The following RBMS3 variants were observed in gnomAD, a reference collection of about 807,000 sequenced individuals.
RBMS3 encodes the protein RNA binding motif single stranded interacting protein 3.
Under a neutral mutation model 66.8 loss-of-function variants are expected in RBMS3, and 27 were observed. The ratio of observed to expected loss-of-function variants is 0.40; its 90% confidence interval spans 0.30 to 0.56. The LOEUF is 0.56. Among genes scored for constraint, RBMS3 ranks in the 20% least tolerant of loss-of-function variants. The pLI is 0.40. For synonymous variants in RBMS3, 188 were observed against 183.0 expected (o/e 1.03, Z -0.22); for missense variants, 513 against 549.5 (o/e 0.93, Z 0.66).
intron 10 of RBMS3, among the ~76,000 whole-genome samples, chr3:29,921,904 T>C (rs940822451): frequency 6.6e-6 from 1 of 152,178 alleles, no homozygotes; most frequent in Non-Finnish European, 1.5e-5. Flanking sequence ...AGCCTCCTGC[T>C]GAAGCAAAAC....
chr3:29,423,229 A>C (rs2125705392), intron 1 of RBMS3, among the ~76,000 whole-genome samples: 1 of 152,292 alleles, frequency 6.6e-6, no homozygotes, highest in East Asian at 1.9e-4. Flanking sequence ...TGCCAAAGAG[A>C]GACACATTTA....
At chr3:29,492,585 T>A (rs946019745) in intron 3 of RBMS3, among the ~76,000 whole-genome samples, 1 of 152,108 alleles carries the variant, frequency 6.6e-6, no homozygotes, top group African/African-American at 2.4e-5. Flanking sequence ...TAGACCATGA[T>A]GAAAATGAAG....
At chr3:29,619,067 G>C (rs1257749889) in intron 4 of RBMS3, among the ~76,000 whole-genome samples, 1 of 152,042 alleles carries the variant, frequency 6.6e-6, no homozygotes, top group African/African-American at 2.4e-5. Context: ...GAAAATGATA[G>C]GGAAGTGAGA....
At chr3:29,666,511 G>A (rs2149238875) in intron 4 of RBMS3, among the ~76,000 whole-genome samples, 1 of 152,232 alleles carries the variant, frequency 6.6e-6, no homozygotes, top group East Asian at 1.9e-4. Flanking sequence ...GTAGAAATGT[G>A]TACTTTTGGG....
chr3:29,290,441 T>A (rs2032719714), intron 1 of RBMS3, among the ~76,000 whole-genome samples: 1 of 151,810 alleles, frequency 6.6e-6, no homozygotes, highest in Admixed American at 6.6e-5. Context: ...GAAAACAACA[T>A]TTCATTTTCT....
chr3:29,892,071 C>G (rs375212950), intron 8 of RBMS3, among the ~76,000 whole-genome samples: 1 of 151,290 alleles, frequency 6.6e-6, no homozygotes, highest in Non-Finnish European at 1.5e-5. Context: ...TACTACTGAC[C>G]GCCAAATCCC....
At chr3:29,577,335 A>G (rs2047154904) in intron 3 of RBMS3, among the ~76,000 whole-genome samples, 4 of 152,180 alleles carry the variant, frequency 2.6e-5, no homozygotes, top group Admixed American at 2.0e-4. Context: ...GGAAGGAGAC[A>G]CTTTCATTGC....
intron 4 of RBMS3, among the ~76,000 whole-genome samples, chr3:29,663,765 A>G (rs111598306): frequency 6.6e-6 from 1 of 151,054 alleles, no homozygotes. Flanking sequence ...TTAAAAAAAA[A>G]TTATATTTCA....
At chr3:29,842,131 G>A (rs9846015) in intron 6 of RBMS3, among the ~76,000 whole-genome samples, 1 of 152,012 alleles carries the variant, frequency 6.6e-6, no homozygotes, top group Non-Finnish European at 1.5e-5. Flanking sequence ...AGTAAAATGA[G>A]GTTCCTAAGT....
intron 11 of RBMS3, among the ~76,000 whole-genome samples, chr3:29,937,952 TA>T (rs554021112): frequency 1.3e-5 from 2 of 151,930 alleles, no homozygotes; most frequent in African/African-American, 2.4e-5. Flanking sequence ...TGATGTAATG[TA>T]ATTTTACCGT....
intron 6 of RBMS3, among the ~76,000 whole-genome samples, chr3:29,800,035 C>T (rs2057338816): frequency 6.6e-6 from 1 of 152,142 alleles, no homozygotes; most frequent in Non-Finnish European, 1.5e-5. Context: ...ATAGATGTAC[C>T]ATGTATACTG....
chr3:29,574,407 TG>T (rs2047045778), intron 3 of RBMS3, among the ~76,000 whole-genome samples: 1 of 152,102 alleles, frequency 6.6e-6, no homozygotes, highest in Non-Finnish European at 1.5e-5. Flanking sequence ...TTCATTGTCA[TG>T]GAATGTCTTT....
At chr3:29,713,864 G>T (rs1320663172) in intron 4 of RBMS3, among the ~76,000 whole-genome samples, 1 of 152,032 alleles carries the variant, frequency 6.6e-6, no homozygotes, top group African/African-American at 2.4e-5. Flanking sequence ...AGACCAGCCT[G>T]GGCAACATGG....
intron 12 of RBMS3, among the ~76,000 whole-genome samples, chr3:29,972,026 T>C (rs1193404661): frequency 1.3e-5 from 2 of 152,160 alleles, no homozygotes; most frequent in African/African-American, 4.8e-5. Flanking sequence ...ATTTTAAGAA[T>C]TGAATGGGAG....
At chr3:29,486,337 A>G (rs1165440109) in intron 2 of RBMS3, among the ~76,000 whole-genome samples, 2 of 152,162 alleles carry the variant, frequency 1.3e-5, no homozygotes, top group African/African-American at 4.8e-5. Flanking sequence ...TAACGGAGCC[A>G]TGGAATGAAA....
chr3:29,667,866 T>G (rs1266539737), intron 4 of RBMS3, among the ~76,000 whole-genome samples: 1 of 152,178 alleles, frequency 6.6e-6, no homozygotes, highest in East Asian at 1.9e-4. Context: ...CATATTCATG[T>G]ACAATTGTAA....
At chr3:29,400,351 C>T (rs555755612) in intron 1 of RBMS3, among the ~76,000 whole-genome samples, 13 of 151,948 alleles carry the variant, frequency 8.6e-5, no homozygotes, top group Non-Finnish European at 1.2e-4. Context: ...ATTCCACTTA[C>T]GTGAGATGGC....
At chr3:29,363,525 C>T (rs975824275) in intron 1 of RBMS3, among the ~76,000 whole-genome samples, 1 of 152,118 alleles carries the variant, frequency 6.6e-6, no homozygotes, top group Non-Finnish European at 1.5e-5. Flanking sequence ...CGTGGTGGCT[C>T]ACATTGTAAT....
intron 14 of RBMS3, among the ~76,000 whole-genome samples, chr3:30,003,166 C>G (rs528803845): frequency 6.6e-5 from 10 of 151,970 alleles, no homozygotes; most frequent in Non-Finnish European, 1.2e-4. Context: ...GTAAAGTCAT[C>G]CTGCTGGAAG....
Sources: gnomAD v4.1 joint callset for allele counts (sites outside exome capture counted in the v4.1 genomes callset) on GRCh38, gnomAD v4.1.1 for gene constraint, MANE v1.5 for transcripts, NCBI Gene and HGNC (gene_info 2026-07-23, HGNC 2026-07-21) for gene names.